The following RIMS1 variants were observed in gnomAD, a reference collection of about 807,000 sequenced individuals.
RIMS1 encodes the protein regulating synaptic membrane exocytosis protein 1.
A neutral mutation model predicts 214.1 loss-of-function variants in RIMS1; 83 were observed. The observed-to-expected ratio is 0.39, with a 90% CI of 0.32 to 0.47. RIMS1 has a LOEUF of 0.47. Ranked by LOEUF, RIMS1 falls within the 20% of genes least tolerant of loss-of-function variation. RIMS1 has a pLI of 0.99. For synonymous variants in RIMS1, 793 were observed against 786.8 expected (o/e 1.01, Z -0.13); for missense variants, 2,050 against 2,161.8 (o/e 0.95, Z 1.03).
chr6:72,153,429 A>ACTT (rs1333294822), intron 4 of RIMS1, among the ~76,000 whole-genome samples: 2 of 152,076 alleles, frequency 1.3e-5, no homozygotes, highest in African/African-American at 4.8e-5. Context: ...CAATCCTAAG[A>ACTT]CTTTTAAAAA....
At position 72,265,520 on chromosome 6, in the gene RIMS1, G is replaced by A; in HGVS notation, c.3308+17G>A. 7.1e-7 allele frequency: 1 copy of A among 1,398,738 alleles called. No individual in the cohort carries two copies. The highest frequency in any genetic ancestry group is 1.0e-6 in the Non-Finnish European group (1 of 990,592). The allele number at this position is 1,398,738 out of a possible 1,614,324, so 86.6% of individuals were successfully genotyped here. On this transcript the variant is annotated intron_variant, in intron 21 of 33. Coordinates refer to ENST00000521978, the MANE Select transcript of RIMS1 (RefSeq NM_014989.7). ...ACTGGTTAGGTAAGAACATTTGGAA[G>A]TGATATCTTCCGTTTCCCTTGTTTA...
chr6:72,008,833 A>G (rs1004497817), intron 2 of RIMS1, among the ~76,000 whole-genome samples: 6 of 152,156 alleles, frequency 3.9e-5, no homozygotes, highest in Non-Finnish European at 8.8e-5. Context: ...GCAAGTCCTT[A>G]GAGACCTACA....
In RIMS1 at chr6:72,378,722, C is replaced by A. The variant is rs971203493; in HGVS notation, c.4367-11876C>A. 4.6e-5 allele frequency among the ~76,000 whole-genome samples: 7 copies of A among 152,190 alleles called. No individual in the cohort carries two copies. The East Asian group carries it at 1.4e-3, about 29-fold the overall frequency. ...GGCGTGGTGGCAGGTGCCTATAATC[C>A]CAGCTATTCAGGAGGCTGAGGCAGA... is the stretch of plus-strand genomic sequence containing the variant. On this transcript the variant is annotated intron_variant, in intron 29 of 33. Transcript: ENST00000521978.
intron 27 of RIMS1, among the ~76,000 whole-genome samples, chr6:72,308,902 G>A (rs34734458): frequency 2.4e-4 from 37 of 152,086 alleles, no homozygotes; most frequent in Non-Finnish European, 4.7e-4. Flanking sequence ...TATCATCATC[G>A]TTTTTGTTTT....
chr6:72,144,791 G>A (rs143969511), intron 4 of RIMS1, among the ~76,000 whole-genome samples: 28 of 152,254 alleles, frequency 1.8e-4, no homozygotes, highest in African/African-American at 6.3e-4. Flanking sequence ...TCACAGGAAT[G>A]AGGGTTAGTC....
At position 72,182,785 on chromosome 6, in the gene RIMS1, G is replaced by T. The variant is rs898430232; in HGVS notation, c.1314G>T (p.Ala438=). The T allele has an allele frequency of 6.5e-7, 1 of 1,545,824 alleles. No individual in the cohort carries two copies. ...CTGAGAGAACTGCGGAGACCAGGGC[G>T]CCGGGCGCCAAGCAGCTAACGAACC... The part of the protein sequence containing the change: ...YSAERTAETR[A]PGAKQLTNHS... Residue 438 remains alanine (A), a synonymous_variant, in exon 6 of 34, where the codon GCG becomes GCT. Coordinates refer to ENST00000521978, the MANE Select transcript of RIMS1 (RefSeq NM_014989.7).
At chr6:71,978,690 T>C (rs1047608645) in intron 2 of RIMS1, among the ~76,000 whole-genome samples, 1 of 152,104 alleles carries the variant, frequency 6.6e-6, no homozygotes, top group African/African-American at 2.4e-5. Flanking sequence ...GCCATGTTTA[T>C]AACAAAATTG....
intron 2 of RIMS1, among the ~76,000 whole-genome samples, chr6:72,064,290 C>T (rs143971197): frequency 0.011 from 1,649 of 150,646 alleles, 16 homozygotes; most frequent in Middle Eastern, 0.024. Flanking sequence ...TGCACTCCAG[C>T]CTGGGCAACA....
chr6:72,175,318 C>T (rs1287250056), intron 4 of RIMS1: 2 of 322,456 alleles, frequency 6.2e-6, no homozygotes, highest in South Asian at 5.1e-5. Flanking sequence ...TATATTTATT[C>T]TTTATATTAT....
intron 19 of RIMS1, among the ~76,000 whole-genome samples, chr6:72,264,766 T>C (rs1030428823): frequency 7.9e-5 from 12 of 152,138 alleles, no homozygotes; most frequent in South Asian, 2.1e-4. Flanking sequence ...ATAATAATTT[T>C]GAGTATTTTA....
At chr6:72,216,378 C>A in intron 6 of RIMS1, 1 of 900,846 alleles carries the variant, frequency 1.1e-6, no homozygotes, top group Non-Finnish European at 1.3e-6. Flanking sequence ...CTGGCAAAAC[C>A]TGTTTGAGGT....
chr6:72,167,091 T>C (rs998131449), intron 4 of RIMS1, among the ~76,000 whole-genome samples: 12 of 151,992 alleles, frequency 7.9e-5, no homozygotes, highest in Admixed American at 6.6e-4. Flanking sequence ...ATTCAGGAAT[T>C]ATTCTGAAAT....
At chr6:72,400,143 A>G (rs1460513537) in intron 33 of RIMS1, among the ~76,000 whole-genome samples, 3 of 152,138 alleles carry the variant, frequency 2.0e-5, no homozygotes, top group Non-Finnish European at 4.4e-5. Flanking sequence ...TTAGATTTTT[A>G]TGGTCCTGTA....
chr6:72,029,262 G>A (rs1278482104), intron 2 of RIMS1, among the ~76,000 whole-genome samples: 1 of 152,116 alleles, frequency 6.6e-6, no homozygotes, highest in Non-Finnish European at 1.5e-5. Context: ...AATACTTTGT[G>A]ATTTTTATAA....
intron 22 of RIMS1, among the ~76,000 whole-genome samples, chr6:72,271,286 A>AAAATATATATATATAT (rs1417580438): frequency 4.1e-4 from 18 of 44,358 alleles, no homozygotes; most frequent in South Asian, 8.8e-4. Context: ...AAAAAAAAAA[A>AAAATATATATATATAT]ATATATATAT....
intron 2 of RIMS1, among the ~76,000 whole-genome samples, chr6:71,986,503 G>A (rs1800013189): frequency 6.6e-6 from 1 of 152,176 alleles, no homozygotes; most frequent in Non-Finnish European, 1.5e-5. Context: ...GTGGGGAGAA[G>A]AGCATGGATT....
At chr6:72,096,255 A>G (rs1209549857) in intron 2 of RIMS1, among the ~76,000 whole-genome samples, 3 of 152,222 alleles carry the variant, frequency 2.0e-5, no homozygotes, top group African/African-American at 7.2e-5. Flanking sequence ...TCTACAAGGT[A>G]AGATTTAGAA....
At chr6:72,264,541 C>T (rs1017460559) in intron 19 of RIMS1, among the ~76,000 whole-genome samples, 3 of 152,000 alleles carry the variant, frequency 2.0e-5, no homozygotes, top group African/African-American at 7.2e-5. Flanking sequence ...GAATGCTAGT[C>T]AACACTTTGT....
At chr6:72,199,424 T>C (rs1311560586) in intron 6 of RIMS1, among the ~76,000 whole-genome samples, 10 of 152,082 alleles carry the variant, frequency 6.6e-5, no homozygotes, top group Admixed American at 6.5e-4. Flanking sequence ...TTCTAGGGTA[T>C]TTAGATGTAA....
Sources: gnomAD v4.1 joint callset for allele counts (sites outside exome capture counted in the v4.1 genomes callset) on GRCh38, gnomAD v4.1.1 for gene constraint, MANE v1.5 for transcripts, NCBI Gene and HGNC (gene_info 2026-07-23, HGNC 2026-07-21) for gene names.